KRIT1: variants seen among roughly 807,000 people sequenced by gnomAD.
The protein encoded by KRIT1 is KRIT1 ankyrin repeat containing.
Under a neutral mutation model 95.8 loss-of-function variants are expected in KRIT1, and 45 were observed. That is an observed-to-expected ratio of 0.47 (90% CI 0.37 to 0.60). The LOEUF is 0.60. Among genes scored for constraint, KRIT1 ranks in the 20% least tolerant of loss-of-function variants. KRIT1 has a pLI of 0.00. For synonymous variants in KRIT1, 282 were observed against 278.8 expected (o/e 1.01, Z -0.11); for missense variants, 788 against 877.5 (o/e 0.90, Z 1.29).
chr7:92,214,034 A>G, intron 15 of KRIT1, 55 bp from the exon 16 acceptor site: 1 of 1,032,204 alleles, frequency 9.7e-7, no homozygotes, highest in Non-Finnish European at 1.5e-6. Context: ...TAGCTAAAGT[A>G]TAGTAATCAT....
Position 92,235,452 on chromosome 7 carries a change from G to C in KRIT1, c.680C>G (p.Thr227Ser). Residue 227 changes from threonine to serine, a missense_variant, in exon 8 of 19, where the codon ACC (threonine) becomes AGC (serine). Coordinates refer to ENST00000394505, the MANE Select transcript of KRIT1 (RefSeq NM_194454.3). Reference protein sequence around the residue: ...SKMLALEKADTCIYNPLFGSD... With the variant: ...SKMLALEKADSCIYNPLFGSD... ...TCCAAACAAAGGGTTGTAAATACAG[G>C]TATCTGCTTTCTCTAGGGCTAACAT... 6.2e-7 allele frequency: 1 copy of C among 1,613,444 alleles called. No individual in the cohort carries two copies. Among genetic ancestry groups the C allele is most frequent in the Non-Finnish European group, 8.5e-7 (1 of 1,179,408 alleles).
Position 92,203,179 on chromosome 7 carries a change from A to G in KRIT1, c.2026-1756T>C, listed in dbSNP as rs531459917. On this transcript the variant is annotated intron_variant, in intron 17 of 18. Transcript: ENST00000394505. ...TCCCATGGCTTTTCCTATCTCTGAC[A>G]CTAATGTATCCCATGTAGTGTTTTA... Among the ~76,000 whole-genome samples the G allele has an allele frequency of 9.2e-5, 14 of 152,342 alleles. No homozygotes were observed. In the East Asian group the frequency reaches 2.5e-3, roughly 27 times the overall value.
chr7:92,234,305 C>T, intron 10 of KRIT1, 144 bp downstream of exon 10: 1 of 687,414 alleles, frequency 1.5e-6, no homozygotes, highest in South Asian at 1.8e-5. Flanking sequence ...CATATACAAT[C>T]ATCTAAGATC....
intron 10 of KRIT1, among the ~76,000 whole-genome samples, chr7:92,232,503 T>C (rs1797506752): frequency 6.7e-6 from 1 of 149,714 alleles, no homozygotes; most frequent in South Asian, 2.1e-4. Flanking sequence ...TACCATTCTT[T>C]CATTAGAGGG....
intron 17 of KRIT1, among the ~76,000 whole-genome samples, chr7:92,205,416 T>C (rs1284200817): frequency 6.6e-6 from 1 of 152,240 alleles, no homozygotes; most frequent in Non-Finnish European, 1.5e-5. Context: ...TGAAATTTCC[T>C]AATCTAAATG....
At chr7:92,212,491 G>T (rs939013788) in intron 17 of KRIT1, among the ~76,000 whole-genome samples, 2 of 152,138 alleles carry the variant, frequency 1.3e-5, no homozygotes, top group Non-Finnish European at 2.9e-5. Context: ...CATAATTTAT[G>T]AGAGCAGGGC....
intron 12 of KRIT1, among the ~76,000 whole-genome samples, chr7:92,224,730 T>C (rs1408074374): frequency 6.6e-6 from 1 of 152,190 alleles, no homozygotes; most frequent in Non-Finnish European, 1.5e-5. Flanking sequence ...TTTACTTTTA[T>C]GAGGAGGAAA....
chr7:92,200,845 A>G (rs751708500), intron 18 of KRIT1, 41 bp from the exon 19 acceptor site: 1 of 1,365,244 alleles, frequency 7.3e-7, no homozygotes, highest in Non-Finnish European at 1.0e-6. Context: ...TAAAACATGT[A>G]AGAATCTTTA....
rs886062497 is a variant in KRIT1 at position 92,245,907 on chromosome 7, G to A, written c.-538C>T. On this transcript the variant is annotated 5_prime_UTR_variant, in exon 1 of 19. It adds an upstream start codon to the 5' untranslated region. Transcript: ENST00000394505. Reference sequence around the variant, plus strand: ...CTTAGCTTTCCACCCCGCCGTTACCGTGGCTATGAAATCGCTTCCGGGTTC... The same window carrying A: ...CTTAGCTTTCCACCCCGCCGTTACCATGGCTATGAAATCGCTTCCGGGTTC... 4.1e-4 allele frequency: 94 copies of A among 231,310 alleles called. 1 individual carries two copies. Among genetic ancestry groups the A allele is most frequent in the Non-Finnish European group, 4.3e-5 (5 of 116,854 alleles). 14.3% of individuals were successfully genotyped at this position (231,310 alleles called of 1,614,324 possible).
In KRIT1 at chr7:92,226,704, C is replaced by A. The variant is rs1277849728; in HGVS notation, c.990-22G>T. The A allele has an allele frequency of 1.2e-6, 2 of 1,607,678 alleles. 1 individual carries two copies. Among genetic ancestry groups the A allele is most frequent in the Admixed American group, 3.4e-5 (2 of 59,464 alleles). On this transcript the variant is annotated intron_variant, in intron 10 of 18. Coordinates refer to ENST00000394505, the MANE Select transcript of KRIT1 (RefSeq NM_194454.3). ...ATACCTGTATAAAAAAACAAACAAA[C>A]AAAAAACAACAACAAAAAAAACTTA...
chr7:92,219,042 C>G (rs2131388394), intron 14 of KRIT1, among the ~76,000 whole-genome samples: 1 of 152,086 alleles, frequency 6.6e-6, no homozygotes, highest in East Asian at 1.9e-4. Context: ...ACTTTGTCAC[C>G]CAGGCTGGAG....
At chr7:92,219,560 T>G (rs1794701064) in intron 14 of KRIT1, among the ~76,000 whole-genome samples, 1 of 152,242 alleles carries the variant, frequency 6.6e-6, no homozygotes, top group African/African-American at 2.4e-5. Flanking sequence ...TGGTGTGCTT[T>G]GAAATTGAGT....
chr7:92,241,656 A>G lies in KRIT1; in HGVS notation c.102+378T>C, dbSNP rs539881462. Among the ~76,000 whole-genome samples, 35 of 152,362 alleles carry G rather than the reference A, an allele frequency of 2.3e-4. 1 individual carries two copies. The highest frequency in any genetic ancestry group is 4.7e-4 in the Non-Finnish European group (32 of 68,034). On this transcript the variant is annotated intron_variant, in intron 4 of 18. Transcript: ENST00000394505. ...ATTGTCTAAAAATTTAAGGCAAAAAAGTATTTTAAAACGAATTGTTAAAAA... is the reference window on the plus strand; with the variant it reads ...ATTGTCTAAAAATTTAAGGCAAAAAGGTATTTTAAAACGAATTGTTAAAAA...
chr7:92,234,625 A>G lies in KRIT1; in HGVS notation c.846-33T>C, dbSNP rs199858601. 7.4e-5 allele frequency: 117 copies of G among 1,580,786 alleles called. No individual in the cohort carries two copies. In the African/African-American group the frequency reaches 1.5e-3, roughly 20 times the overall value. Reference sequence around the variant, plus strand: ...TTAAAAAGAAATTTTGAAAAATACAACAGGACTGTAAAAATTGTTTCAAAA... The same window carrying G: ...TTAAAAAGAAATTTTGAAAAATACAGCAGGACTGTAAAAATTGTTTCAAAA... On this transcript the variant is annotated intron_variant, in intron 9 of 18. Coordinates refer to ENST00000394505, the MANE Select transcript of KRIT1 (RefSeq NM_194454.3).
chr7:92,218,947 T>A lies in KRIT1; in HGVS notation c.1563+2955A>T, dbSNP rs1037695839. Among the ~76,000 whole-genome samples, 19 of 152,296 alleles carry A rather than the reference T, an allele frequency of 1.2e-4. 1 individual carries two copies. The highest frequency in any genetic ancestry group is 4.1e-4 in the African/African-American group (17 of 41,578). On this transcript the variant is annotated intron_variant, in intron 14 of 18. Coordinates refer to ENST00000394505, the MANE Select transcript of KRIT1 (RefSeq NM_194454.3). ...ATGAAGATTTATCCCTTTGTTTTCT[T>A]CTATGAGTTTTATGGTTTTAGCACT...
chr7:92,199,395 A>G (rs561320186), downstream of KRIT1: 4 of 152,364 alleles, frequency 2.6e-5, no homozygotes, highest in African/African-American at 9.6e-5. Flanking sequence ...AACTTTAAAT[A>G]TGACTATATC....
intron 5 of KRIT1, chr7:92,240,706 T>C (rs1228766014): frequency 2.6e-6 from 1 of 380,292 alleles, no homozygotes; most frequent in Non-Finnish European, 4.8e-6. Context: ...GTTTCCTCTG[T>C]CATTAAGTAA....
At chr7:92,243,127 A>G (rs1328160179) in intron 3 of KRIT1, among the ~76,000 whole-genome samples, 1 of 152,140 alleles carries the variant, frequency 6.6e-6, no homozygotes, top group South Asian at 2.1e-4. Flanking sequence ...TCAATAATCC[A>G]AATTTTTTAT....
chr7:92,240,138 A>G (rs1012413181), intron 5 of KRIT1, among the ~76,000 whole-genome samples: 1 of 152,178 alleles, frequency 6.6e-6, no homozygotes, highest in African/African-American at 2.4e-5. Flanking sequence ...GTACCGCCAA[A>G]AGTTATGAAA....
Sources: allele counts gnomAD v4.1 joint callset (sites outside exome capture counted in the v4.1 genomes callset), GRCh38; gene constraint gnomAD v4.1.1; transcripts MANE v1.5; gene names NCBI Gene and HGNC (gene_info 2026-07-23, HGNC 2026-07-21).